Variants in CSMD1 observed in about 807,000 individuals in gnomAD.
The protein encoded by CSMD1 is CUB and sushi domain-containing protein 1.
In CSMD1, 213 loss-of-function variants were observed where a neutral mutation model predicts 417.5. The observed-to-expected ratio is 0.51, with a 90% CI of 0.46 to 0.57. CSMD1 has a LOEUF of 0.57. Ranked by LOEUF, CSMD1 falls within the 20% of genes least tolerant of loss-of-function variation. CSMD1 has a pLI of 0.00. For missense variants in CSMD1, 6,923 were observed against 4,529.7 expected, an observed-to-expected ratio of 1.53 and a Z score of -15.17; for synonymous variants, 2,862 against 1,736.8, an observed-to-expected ratio of 1.65 and a Z score of -16.11.
At chr8:4,318,431 T>C (rs866453983) in intron 3 of CSMD1, among the ~76,000 whole-genome samples, 5 of 152,196 alleles carry the variant, frequency 3.3e-5, no homozygotes, top group Middle Eastern at 3.4e-3. Context: ...AAGAGTAATA[T>C]TGTGAAAATT....
intron 10 of CSMD1, among the ~76,000 whole-genome samples, chr8:3,554,267 G>A (rs1337003436): frequency 6.6e-6 from 1 of 152,346 alleles, no homozygotes; most frequent in South Asian, 2.1e-4. Flanking sequence ...AAACACATTT[G>A]GAAGTGGTAG....
chr8:4,287,243 A>C (rs1797110364), intron 3 of CSMD1, among the ~76,000 whole-genome samples: 1 of 152,318 alleles, frequency 6.6e-6, no homozygotes, highest in Middle Eastern at 3.4e-3. Flanking sequence ...GGCAAGTTCT[A>C]AAAGATTCCC....
intron 1 of CSMD1, among the ~76,000 whole-genome samples, chr8:4,988,285 A>G (rs1300089373): frequency 6.6e-6 from 1 of 152,232 alleles, no homozygotes; most frequent in Admixed American, 6.5e-5. Context: ...GAGCATTAAG[A>G]TGCAAGTATC....
At chr8:3,932,178 G>A (rs1810197223) in intron 5 of CSMD1, among the ~76,000 whole-genome samples, 1 of 150,328 alleles carries the variant, frequency 6.7e-6, no homozygotes. Context: ...ATTCCTAACT[G>A]TAGACACTGT....
intron 2 of CSMD1, among the ~76,000 whole-genome samples, chr8:4,457,940 C>A (rs1799586410): frequency 6.6e-6 from 1 of 152,164 alleles, no homozygotes; most frequent in South Asian, 2.1e-4. Context: ...CTATGTATGT[C>A]AACCCAGGCA....
intron 38 of CSMD1, among the ~76,000 whole-genome samples, chr8:3,159,481 A>G (rs1425411646): frequency 4.6e-5 from 7 of 152,228 alleles, no homozygotes; most frequent in Admixed American, 3.9e-4. Flanking sequence ...CCTGAATCAC[A>G]CTAGGCATAT....
At chr8:3,416,065 G>T (rs545241069) in intron 12 of CSMD1, among the ~76,000 whole-genome samples, 13 of 152,246 alleles carry the variant, frequency 8.5e-5, no homozygotes, top group Admixed American at 5.2e-4. Flanking sequence ...ACTTTGGGAG[G>T]CGGAGACAGG....
intron 12 of CSMD1, among the ~76,000 whole-genome samples, chr8:3,411,826 GTATATATGCACGTATATATGCAC>G (rs1812748501): frequency 1.3e-5 from 1 of 75,722 alleles, no homozygotes; most frequent in Non-Finnish European, 2.8e-5. Context: ...ACGTGTATAT[GTATATATGCACGTATATATGCAC>G]GTATATATGC....
intron 49 of CSMD1, among the ~76,000 whole-genome samples, chr8:3,064,490 G>A (rs529190268): frequency 1.2e-4 from 19 of 152,324 alleles, no homozygotes; most frequent in African/African-American, 4.6e-4. Flanking sequence ...CTACAGAACT[G>A]TGAGTCAATT....
Position 2,955,598 on chromosome 8 carries a change from C to T in CSMD1, c.9985G>A (p.Val3329Met). The change falls in exon 64 of 70, where the codon GTG (valine) becomes ATG (methionine). Residue 3329 changes from valine (V) to methionine (M), a missense_variant. Transcript: ENST00000635120. ...ADMKWTGKSPVCKSKGVREVN... is the reference protein window; with the variant it reads ...ADMKWTGKSPMCKSKGVREVN... ...TTGATCAATGACTTACTTTTACACACAGGCGACTTTCCTGTCCATTTCATG... is the reference window on the plus strand; with the variant it reads ...TTGATCAATGACTTACTTTTACACATAGGCGACTTTCCTGTCCATTTCATG... The T allele has an allele frequency of 1.9e-6, 3 of 1,613,526 alleles. No homozygotes were observed. Among genetic ancestry groups the T allele is most frequent in the Non-Finnish European group, 2.5e-6 (3 of 1,179,646 alleles).
chr8:3,859,254 C>T (rs1458474735), intron 5 of CSMD1, among the ~76,000 whole-genome samples: 1 of 152,212 alleles, frequency 6.6e-6, no homozygotes, highest in Non-Finnish European at 1.5e-5. Flanking sequence ...CCATTCAATC[C>T]CACTCACTGG....
rs377396828 is a variant in CSMD1, at chr8:4,604,646, C to G, written c.302+32696G>C. Among the ~76,000 whole-genome samples, 16 of 152,180 alleles carry G rather than the reference C, an allele frequency of 1.1e-4. No individual in the cohort carries two copies. In the East Asian group the frequency reaches 2.7e-3, roughly 26 times the overall value. On this transcript the variant is annotated intron_variant, in intron 2 of 69. Coordinates refer to ENST00000635120, the MANE Select transcript of CSMD1 (RefSeq NM_033225.6). ...TAAATCTCTGCAAATGAAATGGAAT[C>G]AGAACATCACCAATCTGTTTATCCT...
Position 3,960,959 on chromosome 8 carries a change from T to C in CSMD1, c.818+36944A>G, listed in dbSNP as rs562521979. Among the ~76,000 whole-genome samples, 203 of 152,068 alleles carry C rather than the reference T, an allele frequency of 1.3e-3. 2 individuals carry two copies. Among genetic ancestry groups the C allele is most frequent in the African/African-American group, 4.6e-3 (191 of 41,562 alleles). On this transcript the variant is annotated intron_variant, in intron 5 of 69. Coordinates refer to ENST00000635120, the MANE Select transcript of CSMD1 (RefSeq NM_033225.6). ...AATGGATAATACTATCCTCTTAATA[T>C]TGTATGATTTAAATTCTTTTAAAAA...
At chr8:3,782,880 G>C (rs758475196) in intron 5 of CSMD1, among the ~76,000 whole-genome samples, 9 of 152,114 alleles carry the variant, frequency 5.9e-5, no homozygotes, top group Non-Finnish European at 1.2e-4. Context: ...ACTATACCGT[G>C]AGCCATTACC....
chr8:4,395,253 TTCTC>T (rs1291077959), intron 3 of CSMD1, among the ~76,000 whole-genome samples: 1 of 152,178 alleles, frequency 6.6e-6, no homozygotes, highest in African/African-American at 2.4e-5. Context: ...TTCTTTTATC[TTCTC>T]TCTTACTCCA....
chr8:4,051,026 C>G (rs1030527261), intron 3 of CSMD1, among the ~76,000 whole-genome samples: 1 of 152,024 alleles, frequency 6.6e-6, no homozygotes, highest in Non-Finnish European at 1.5e-5. Context: ...CCAGAAAACC[C>G]ACCCCAACAT....
At chr8:3,579,177 T>G (rs1191443624) in intron 9 of CSMD1, among the ~76,000 whole-genome samples, 1 of 152,138 alleles carries the variant, frequency 6.6e-6, no homozygotes, top group African/African-American at 2.4e-5. Flanking sequence ...ATTCACAGAA[T>G]GATAAATTGA....
intron 2 of CSMD1, among the ~76,000 whole-genome samples, chr8:4,606,402 C>A (rs974419574): frequency 3.3e-5 from 5 of 152,044 alleles, no homozygotes; most frequent in African/African-American, 1.2e-4. Flanking sequence ...AGGCTTCTTG[C>A]TTGTTCCTGG....
chr8:3,130,650 G>A (rs1231274473), intron 41 of CSMD1, among the ~76,000 whole-genome samples: 1 of 151,768 alleles, frequency 6.6e-6, no homozygotes, highest in Non-Finnish European at 1.5e-5. Context: ...AACTCATCGG[G>A]CTTCTCTCCA....
Sources: allele counts gnomAD v4.1 joint callset (sites outside exome capture counted in the v4.1 genomes callset), GRCh38; gene constraint gnomAD v4.1.1; transcripts MANE v1.5; gene names NCBI Gene and HGNC (gene_info 2026-07-23, HGNC 2026-07-21).